ASIC2: variants seen among roughly 807,000 people sequenced by gnomAD.
ASIC2 encodes acid-sensing ion channel 2.
A neutral mutation model predicts 57.3 loss-of-function variants in ASIC2; 25 were observed. That is an observed-to-expected ratio of 0.44 (90% confidence interval 0.32 to 0.61). The LOEUF (loss-of-function observed/expected upper bound fraction) is 0.61. Ranked by LOEUF, ASIC2 falls within the 20% of genes least tolerant of loss-of-function variation. The probability of loss-of-function intolerance (pLI) is 0.06; values close to 1 mark genes in which losing one functional copy is unlikely to be tolerated. For missense variants in ASIC2, 641 were observed against 738.1 expected, an observed-to-expected ratio of 0.87 and a Z score of 1.52; for synonymous variants, 319 against 307.5, an observed-to-expected ratio of 1.04 and a Z score of -0.39.
In ASIC2 at chr17:34,088,400, A is replaced by T. The variant is rs191724991; in HGVS notation, c.555+67578T>A. 1.7e-3 allele frequency among the ~76,000 whole-genome samples: 262 copies of T among 152,118 alleles called. 1 individual carries two copies. Among genetic ancestry groups the T allele is most frequent in the African/African-American group, 6.2e-3 (257 of 41,500 alleles). On this transcript the variant is annotated intron_variant, in intron 1 of 9. Transcript: ENST00000359872. ...TGCTGCTGTCTGATTGTTCCTCTGGAAGTTTTGTCTCAGAGGAGTACCCGG... is the reference window on the plus strand; with the variant it reads ...TGCTGCTGTCTGATTGTTCCTCTGGTAGTTTTGTCTCAGAGGAGTACCCGG...
At chr17:33,754,664 C>T (rs1332409071) in intron 1 of ASIC2, among the ~76,000 whole-genome samples, 2 of 152,142 alleles carry the variant, frequency 1.3e-5, no homozygotes, top group Non-Finnish European at 2.9e-5. Context: ...TGTTAAAGAA[C>T]AGTTCCCTAT....
chr17:33,725,091 A>G (rs1222997915), intron 1 of ASIC2, among the ~76,000 whole-genome samples: 3 of 152,300 alleles, frequency 2.0e-5, no homozygotes, highest in East Asian at 3.9e-4. Flanking sequence ...GGCTCAGCAC[A>G]CGTGGGGCAT....
At chr17:33,650,308 A>G (rs980510372) in intron 1 of ASIC2, among the ~76,000 whole-genome samples, 5 of 152,214 alleles carry the variant, frequency 3.3e-5, no homozygotes, top group Non-Finnish European at 5.9e-5. Context: ...ATCAGAATGA[A>G]TAAAATAAAA....
intron 1 of ASIC2, among the ~76,000 whole-genome samples, chr17:33,726,059 T>C (rs183363611): frequency 6.6e-6 from 1 of 152,326 alleles, no homozygotes. Flanking sequence ...CCTTTCCACA[T>C]GGAAGGCAGA....
At chr17:33,771,657 GC>G (rs1208591592) in intron 1 of ASIC2, among the ~76,000 whole-genome samples, 1 of 152,122 alleles carries the variant, frequency 6.6e-6, no homozygotes, top group East Asian at 1.9e-4. Flanking sequence ...GCAAAACCCA[GC>G]AAAAGTTCTT....
At chr17:33,642,201 A>G (rs1321516738) in intron 1 of ASIC2, among the ~76,000 whole-genome samples, 1 of 62,176 alleles carries the variant, frequency 1.6e-5, no homozygotes, top group African/African-American at 6.7e-5. Context: ...GGGGGAGCAA[A>G]AGGACACCCC....
At chr17:33,770,188 C>G (rs970247807) in intron 1 of ASIC2, among the ~76,000 whole-genome samples, 19 of 152,160 alleles carry the variant, frequency 1.2e-4, no homozygotes, top group African/African-American at 4.3e-4. Context: ...GAGAAGTTGC[C>G]CTGGTCCCTA....
intron 1 of ASIC2, among the ~76,000 whole-genome samples, chr17:33,873,626 T>C (rs1567741890): frequency 6.6e-6 from 1 of 152,208 alleles, no homozygotes; most frequent in African/African-American, 2.4e-5. Flanking sequence ...GATTTCAGTC[T>C]TATAAAGAAT....
intron 1 of ASIC2, among the ~76,000 whole-genome samples, chr17:33,895,645 CT>C (rs1915078128): frequency 6.6e-6 from 1 of 152,286 alleles, no homozygotes; most frequent in East Asian, 1.9e-4. Flanking sequence ...AGACAAATAG[CT>C]TTTTAAAATC....
At chr17:33,362,383 A>G (rs1204542497) in intron 1 of ASIC2, among the ~76,000 whole-genome samples, 3 of 152,192 alleles carry the variant, frequency 2.0e-5, no homozygotes, top group Non-Finnish European at 4.4e-5. Context: ...TGACACTGTA[A>G]TACAGTCAGT....
At chr17:33,736,170 G>C (rs910627358) in intron 1 of ASIC2, among the ~76,000 whole-genome samples, 1 of 152,010 alleles carries the variant, frequency 6.6e-6, no homozygotes, top group Non-Finnish European at 1.5e-5. Flanking sequence ...CGGGTCTGCT[G>C]GGCTGGGGCT....
chr17:33,684,498 C>T (rs1442309074), intron 1 of ASIC2, among the ~76,000 whole-genome samples: 1 of 152,286 alleles, frequency 6.6e-6, no homozygotes, highest in Non-Finnish European at 1.5e-5. Context: ...CGCGGGTGCT[C>T]TTCAGAGTGG....
intron 1 of ASIC2, among the ~76,000 whole-genome samples, chr17:33,383,802 C>T (rs185760773): frequency 6.6e-6 from 1 of 152,254 alleles, no homozygotes; most frequent in East Asian, 1.9e-4. Context: ...AATCAGGATC[C>T]AAAATGATCG....
At chr17:33,415,699 G>C (rs1567853719) in intron 1 of ASIC2, among the ~76,000 whole-genome samples, 1 of 152,146 alleles carries the variant, frequency 6.6e-6, no homozygotes, top group East Asian at 1.9e-4. Context: ...GAGAAAGAGA[G>C]AGAGCTGGAG....
At chr17:33,262,689 T>C (rs1909328948) in intron 1 of ASIC2, among the ~76,000 whole-genome samples, 1 of 152,198 alleles carries the variant, frequency 6.6e-6, no homozygotes, top group African/African-American at 2.4e-5. Context: ...CCTTGTTGAG[T>C]GTGACAGATG....
rs182179922 is a variant in ASIC2, at chr17:33,771,706, G to A, written c.555+384272C>T. Among the ~76,000 whole-genome samples, 601 of 152,250 alleles carry A rather than the reference G, an allele frequency of 3.9e-3. 5 individuals carry two copies. Among genetic ancestry groups the A allele is most frequent in the Middle Eastern group, 0.01 (3 of 294 alleles). ...GTCAGATCAGCATTAGAGATCACTC[G>A]TGTTGTGGTGTTATTCATTTTTTTA... On this transcript the variant is annotated intron_variant, in intron 1 of 9. Coordinates refer to the ASIC2 transcript ENST00000359872.
intron 1 of ASIC2, among the ~76,000 whole-genome samples, chr17:34,119,618 C>G (rs1360138786): frequency 6.4e-5 from 3 of 46,946 alleles, no homozygotes; most frequent in Admixed American, 3.0e-4. Context: ...CACAGACACA[C>G]ACACACACAC....
chr17:34,056,600 AC>A (rs1473864025), intron 1 of ASIC2, among the ~76,000 whole-genome samples: 1 of 152,188 alleles, frequency 6.6e-6, no homozygotes, highest in Non-Finnish European at 1.5e-5. Flanking sequence ...AACCAAATCA[AC>A]CTAAAAAGTG....
At chr17:33,366,784 A>T (rs1166957512) in intron 1 of ASIC2, among the ~76,000 whole-genome samples, 2 of 152,198 alleles carry the variant, frequency 1.3e-5, no homozygotes, top group Admixed American at 6.5e-5. Flanking sequence ...AACTATAACC[A>T]TCTAAGTCCA....
Sources: allele counts gnomAD v4.1 joint callset (sites outside exome capture counted in the v4.1 genomes callset), GRCh38; gene constraint gnomAD v4.1.1; transcripts MANE v1.5; gene names NCBI Gene and HGNC (gene_info 2026-07-23, HGNC 2026-07-21).